NCAPD3: variants seen among roughly 807,000 people sequenced by gnomAD.
The protein encoded by NCAPD3 is non-SMC condensin II complex subunit D3, also known as condensin-2 complex subunit D3.
In NCAPD3, 105 loss-of-function variants were observed where a neutral mutation model predicts 182.9. That is an observed-to-expected ratio of 0.57 (90% CI 0.49 to 0.68). The LOEUF is 0.68. NCAPD3 is among the 30% of genes least tolerant of loss of function. NCAPD3 has a pLI of 0.00. For missense variants in NCAPD3, 1,944 were observed against 1,837.0 expected (o/e 1.06, Z -1.07); for synonymous variants, 815 against 679.9 (o/e 1.20, Z -3.09).
intron 24 of NCAPD3, among the ~76,000 whole-genome samples, chr11:134,169,946 C>T (rs534531910): frequency 9.2e-5 from 14 of 152,330 alleles, no homozygotes; most frequent in Non-Finnish European, 1.8e-4. Flanking sequence ...AGTCAGCTCT[C>T]CTTGGGAGAG....
chr11:134,165,081 A>C (rs1483702212), intron 27 of NCAPD3, among the ~76,000 whole-genome samples: 1 of 149,260 alleles, frequency 6.7e-6, no homozygotes. Flanking sequence ...CGGCACACTC[A>C]CTTGTGAAAT....
chr11:134,214,410 C>G (rs1389714993), intron 3 of NCAPD3, among the ~76,000 whole-genome samples: 1 of 152,148 alleles, frequency 6.6e-6, no homozygotes, highest in Non-Finnish European at 1.5e-5. Context: ...GCAGATGAAG[C>G]TGTACCTGGA....
intron 16 of NCAPD3, among the ~76,000 whole-genome samples, chr11:134,192,327 A>G (rs1944540030): frequency 6.6e-6 from 1 of 152,232 alleles, no homozygotes; most frequent in African/African-American, 2.4e-5. Context: ...ATGAGGTGTT[A>G]AAAACAGTTT....
At chr11:134,186,288 T>A (rs1016551365) in intron 16 of NCAPD3, 1 of 152,238 alleles carries the variant, frequency 6.6e-6, no homozygotes, top group Non-Finnish European at 1.5e-5. Flanking sequence ...AGCCTCCACC[T>A]CCTGGGTTCA....
At chr11:134,193,018 C>A in intron 15 of NCAPD3, 109 bp from the exon 16 acceptor site, 1 of 653,222 alleles carries the variant, frequency 1.5e-6, no homozygotes, top group Non-Finnish European at 2.6e-6. Flanking sequence ...GCAAATAGAC[C>A]ATAGAGTGAA....
intron 13 of NCAPD3, among the ~76,000 whole-genome samples, chr11:134,196,572 G>A (rs1045476885): frequency 6.7e-6 from 1 of 150,034 alleles, no homozygotes; most frequent in Non-Finnish European, 1.5e-5. Flanking sequence ...CTTGAGCTGG[G>A]AGGCAGAGGT....
chr11:134,166,854 CATGAG>C (rs1287912727), intron 27 of NCAPD3, among the ~76,000 whole-genome samples: 4 of 109,396 alleles, frequency 3.7e-5, no homozygotes, highest in Non-Finnish European at 7.4e-5. Flanking sequence ...GGCGCACACT[CATGAG>C]AGGAGCTTAG....
At chr11:134,214,325 A>C (rs969554442) in intron 3 of NCAPD3, among the ~76,000 whole-genome samples, 5 of 145,252 alleles carry the variant, frequency 3.4e-5, no homozygotes, top group African/African-American at 1.2e-4. Flanking sequence ...CAGAGATGTA[A>C]GTAATGACAA....
In NCAPD3 at chr11:134,216,666, G is replaced by A. The variant is rs1938037211; in HGVS notation, c.382+270C>T. Among the ~76,000 whole-genome samples, 2 of 152,110 alleles carry A rather than the reference G, an allele frequency of 1.3e-5. 1 individual carries two copies. Among genetic ancestry groups the A allele is most frequent in the South Asian group, 4.1e-4 (2 of 4,820 alleles). Reference sequence around the variant, plus strand: ...AGAATTTTAGACGGCCGTGGTGGAGGGTGGGCGTGGAACTCTTGCACTCCT... The same window carrying A: ...AGAATTTTAGACGGCCGTGGTGGAGAGTGGGCGTGGAACTCTTGCACTCCT... On this transcript the variant is annotated intron_variant, in intron 3 of 34. Transcript: ENST00000534548.
chr11:134,209,420 G>C lies in NCAPD3; in HGVS notation c.625C>G (p.Leu209Val), dbSNP rs1937741988. 6.2e-7 allele frequency: 1 copy of C among 1,613,450 alleles called. No individual in the cohort carries two copies. Among genetic ancestry groups the C allele is most frequent in the Admixed American group, 1.7e-5 (1 of 59,970 alleles). ...AAGATGGCATTTCGAATTTGAGAAA[G>C]GTCCCGGGCAGAAAAACAAATATTC... ...DENICFSARD[L>V]SQIRNAIFHL... Residue 209 changes from leucine (L) to valine (V), a missense_variant, in exon 5 of 35, where the codon CTT becomes GTT. By Grantham distance (32) the Leu-to-Val change is conservative. Transcript: ENST00000534548.
chr11:134,199,478 C>G (rs1184182393), intron 13 of NCAPD3, among the ~76,000 whole-genome samples: 1 of 152,162 alleles, frequency 6.6e-6, no homozygotes, highest in East Asian at 1.9e-4. Context: ...AATAATGTGA[C>G]AGCAATGCAC....
rs771146558 is a variant in NCAPD3, at chr11:134,223,918, C to G, written c.9G>C (p.Ala3=). The change falls in exon 1 of 35, where the codon GCG becomes GCC. Residue 3 remains alanine, a synonymous_variant. Transcript: ENST00000534548. ...GCAGGCCGCTACCAAGGCCCCGCAA[C>G]GCCACCATGATCCCAGGGCACCGGC... The part of the protein sequence containing the change: MV[A]LRGLGSGLQP... The G allele has an allele frequency of 2.5e-6, 4 of 1,612,618 alleles. No homozygotes were observed. The highest frequency in any genetic ancestry group is 3.4e-6 in the Non-Finnish European group (4 of 1,179,810).
At chr11:134,184,806 T>TACAC (rs1466832733) in intron 18 of NCAPD3, 54 bp from the exon 19 acceptor site, 104 of 1,067,996 alleles carry the variant, frequency 9.7e-5, no homozygotes, top group Non-Finnish European at 1.1e-4. Context: ...TATTCAGGTA[T>TACAC]ATATACACAC....
In NCAPD3 at chr11:134,151,162, G is replaced by C. The variant is rs1370265768; in HGVS notation, c.*1782C>G. 1 of 152,262 alleles carries C rather than the reference G, an allele frequency of 6.6e-6. No homozygotes were observed. Among genetic ancestry groups the C allele is most frequent in the Non-Finnish European group, 1.5e-5 (1 of 68,070 alleles). 9.4% of individuals were successfully genotyped at this position (152,262 alleles called of 1,614,324 possible). A position where few individuals can be genotyped will look rare whatever the true frequency, so the allele number is the denominator to read the frequency against. ...TACTCACCTTGTCTTTCAGCTTCCA[G>C]TGTCTTGGGTTTTTTATACTTTGAC... On this transcript the variant is annotated 3_prime_UTR_variant, in exon 35 of 35. Transcript: ENST00000534548.
chr11:134,212,051 T>C (rs1354972168), intron 3 of NCAPD3, among the ~76,000 whole-genome samples: 1 of 151,850 alleles, frequency 6.6e-6, no homozygotes, highest in African/African-American at 2.4e-5. Flanking sequence ...GCATAGATAA[T>C]CCCACCAAAA....
chr11:134,212,375 T>TGTGTGTGTGTG (rs1937866526), intron 3 of NCAPD3, among the ~76,000 whole-genome samples: 153 of 143,272 alleles, frequency 1.1e-3, no homozygotes, highest in African/African-American at 3.3e-3. Context: ...TTTTGTTGTT[T>TGTGTGTGTGTG]TGTGTGTGTG....
At chr11:134,156,393 C>G (rs2120507720) in intron 32 of NCAPD3, among the ~76,000 whole-genome samples, 1 of 152,320 alleles carries the variant, frequency 6.6e-6, no homozygotes, top group East Asian at 1.9e-4. Context: ...GGAAGCATTT[C>G]TTCTTCCTGT....
chr11:134,215,025 C>T (rs887000311), intron 3 of NCAPD3, among the ~76,000 whole-genome samples: 1 of 152,102 alleles, frequency 6.6e-6, no homozygotes, highest in African/African-American at 2.4e-5. Flanking sequence ...TGACCAAGGT[C>T]ATACAAAATT....
At chr11:134,220,399 T>A (rs963853229) in intron 2 of NCAPD3, among the ~76,000 whole-genome samples, 173 bp downstream of exon 2, 1 of 152,090 alleles carries the variant, frequency 6.6e-6, no homozygotes, top group African/African-American at 2.4e-5. Context: ...ACCTTGAAGC[T>A]TTTGGAGGAA....
Sources: allele counts gnomAD v4.1 joint callset (sites outside exome capture counted in the v4.1 genomes callset), GRCh38; gene constraint gnomAD v4.1.1; transcripts MANE v1.5; gene names NCBI Gene and HGNC (gene_info 2026-07-23, HGNC 2026-07-21).